WDR90: variants seen among roughly 807,000 people sequenced by gnomAD.
The protein encoded by WDR90 is WD repeat-containing protein 90.
In WDR90, 238 loss-of-function variants were observed where a neutral mutation model predicts 195.2. The ratio of observed to expected loss-of-function variants is 1.22; its 90% confidence interval spans 1.10 to 1.36. The LOEUF is 1.36. Among genes scored for constraint, WDR90 ranks in the 40% most tolerant of loss-of-function variants. The pLI is 0.00. For missense variants in WDR90, 2,734 were observed against 2,439.5 expected (o/e 1.12, Z -2.54); for synonymous variants, 1,265 against 1,052.4 (o/e 1.20, Z -3.91).
Position 653,579 on chromosome 16 carries a change from AG to A in WDR90, c.1291del (p.Ala431ProfsTer4). 6.2e-7 allele frequency: 1 copy of A among 1,611,452 alleles called. No individual in the cohort carries two copies. Among genetic ancestry groups the A allele is most frequent in the Non-Finnish European group, 8.5e-7 (1 of 1,178,210 alleles). On this transcript the variant is annotated frameshift_variant, in exon 12 of 41. Transcript: ENST00000293879. LOFTEE classifies it high-confidence loss of function. ...SSSLLASAQA[R>X]APSVMRLWDF... The stretch of plus-strand genomic sequence containing the variant: ...CTCACTATTGGCCTCGGCCCAGGCA[AG>A]GGCCCCTAGTGTGATGCGGCTCTGG...
In WDR90 at chr16:656,388, C is replaced by G; in HGVS notation, c.2053C>G (p.Leu685Val). ...CACCTCCTCGGGCCACCTGGGCTTC[C>G]TGGACACGCTGTCCCGGGTGTACCA... ...SATSSGHLGF[L>V]DTLSRVYHML... The change falls in exon 18 of 41, where the codon CTG becomes GTG. Residue 685 changes from leucine (L) to valine (V), a missense_variant. Transcript: ENST00000293879. 1 of 1,608,826 alleles carries G rather than the reference C, an allele frequency of 6.2e-7. No homozygotes were observed. Among genetic ancestry groups the G allele is most frequent in the Non-Finnish European group, 8.5e-7 (1 of 1,179,482 alleles).
chr16:655,761 C>T lies in WDR90; in HGVS notation c.1850-12C>T. 6.3e-7 allele frequency: 1 copy of T among 1,583,620 alleles called. No individual in the cohort carries two copies. The highest frequency in any genetic ancestry group is 8.6e-7 in the Non-Finnish European group (1 of 1,164,716). ...CAGGGACACCGAGGCACTGACGCCT[C>T]CCTGCCCCCAGGCCCCGGCATTGCC... On this transcript the variant is annotated splice_polypyrimidine_tract_variant and intron_variant, in intron 16 of 40. Transcript: ENST00000293879.
At chr16:665,600 G>A (rs764568112) in intron 34 of WDR90, 79 bp from the exon 35 acceptor site, 3 of 1,606,532 alleles carry the variant, frequency 1.9e-6, no homozygotes, top group Admixed American at 1.7e-5. Context: ...CCGGCCCTGG[G>A]GGCTGGAATA....
Position 666,310 on chromosome 16 carries a change from AG to A in WDR90, c.4703del (p.Gly1568AlafsTer17). The A allele has an allele frequency of 1.9e-6, 3 of 1,612,716 alleles. No individual in the cohort carries two copies. The highest frequency in any genetic ancestry group is 1.7e-6 in the Non-Finnish European group (2 of 1,179,982). On this transcript the variant is annotated frameshift_variant, in exon 37 of 41. Coordinates refer to ENST00000293879, the MANE Select transcript of WDR90 (RefSeq NM_145294.5). LOFTEE classifies it high-confidence loss of function. The stretch of plus-strand genomic sequence containing the variant: ...ACCTTCCGTGTGCTGAGTGACCACC[AG>A]GGCGCCCCAATCTCTACCATCTGTG... ...GTTFRVLSDH[Q>X]GAPISTICVT... is the part of the protein sequence containing the mutation.
intron 28 of WDR90, 51 bp downstream of exon 28, chr16:660,765 G>T: frequency 6.6e-7 from 1 of 1,513,042 alleles, no homozygotes; most frequent in Non-Finnish European, 8.9e-7. Flanking sequence ...GGCCGCGCGT[G>T]GTCCAGCCGT....
chr16:649,946 ACTT>A (rs756272231), intron 2 of WDR90, 42 bp from the exon 3 acceptor site: 75 of 1,607,242 alleles, frequency 4.7e-5, no homozygotes, highest in Admixed American at 8.4e-5. Context: ...CCCCCGCTGC[ACTT>A]CTTCTGGGTG....
chr16:662,301 C>T lies in WDR90; in HGVS notation c.4115C>T (p.Ser1372Leu), dbSNP rs765613781. The change falls in exon 33 of 41, where the codon TCG becomes TTG. Residue 1372 changes from serine to leucine, a missense_variant. By Grantham distance (145) the Ser-to-Leu change is moderately radical (BLOSUM62 -2). Coordinates refer to ENST00000293879, the MANE Select transcript of WDR90 (RefSeq NM_145294.5). ...CGCCTGTGGGCCGTGGGGGCTGTGT[C>T]GGAGCTGAGGTGCAAGGGCTCAGGC... Reference protein sequence around the residue: ...RLRLWAVGAVSELRCKGSGAS... With the variant: ...RLRLWAVGAVLELRCKGSGAS... 9.5e-6 allele frequency: 15 copies of T among 1,576,280 alleles called. No homozygotes were observed. Among genetic ancestry groups the T allele is most frequent in the African/African-American group, 5.4e-5 (4 of 74,290 alleles).
In WDR90 at chr16:663,988, C is replaced by A. The variant is rs368891641; in HGVS notation, c.4311+1144C>A. 2.9e-4 allele frequency among the ~76,000 whole-genome samples: 44 copies of A among 152,274 alleles called. 1 individual carries two copies. The highest frequency in any genetic ancestry group is 1.0e-3 in the African/African-American group (43 of 41,568). On this transcript the variant is annotated intron_variant, in intron 34 of 40. Transcript: ENST00000293879. ...GATGCTGAGTCCCATCATCCAGTTG[C>A]CCCTGGGTTGTTTCTTTAGAAACCT... is the stretch of plus-strand genomic sequence containing the variant.
chr16:663,945 C>G (rs1366129974), intron 34 of WDR90, among the ~76,000 whole-genome samples: 1 of 152,186 alleles, frequency 6.6e-6, no homozygotes, highest in African/African-American at 2.4e-5. Context: ...CTGGGCCCCA[C>G]GGGATTGATT....
Position 659,346 on chromosome 16 carries a change from G to A in WDR90, c.3154G>A (p.Val1052Ile), listed in dbSNP as rs1462987205. 15 of 1,593,996 alleles carry A rather than the reference G, an allele frequency of 9.4e-6. No homozygotes were observed. Among genetic ancestry groups the A allele is most frequent in the African/African-American group, 1.3e-5 (1 of 74,722 alleles). ...PCQASPPRLG[V>I]CARPPEGGDG... ...TCAGGCATCTCCACCACGGCTGGGC[G>A]TCTGTGCCAGGCCTCCCGAAGGTGG... The change falls in exon 26 of 41, where the codon GTC (valine) becomes ATC (isoleucine). Residue 1052 changes from valine to isoleucine, a missense_variant. Coordinates refer to ENST00000293879, the MANE Select transcript of WDR90 (RefSeq NM_145294.5).
chr16:651,253 C>T lies in WDR90; in HGVS notation c.723C>T (p.Ser241=). 1 of 1,613,108 alleles carries T rather than the reference C, an allele frequency of 6.2e-7. No individual in the cohort carries two copies. The highest frequency in any genetic ancestry group is 2.2e-5 in the East Asian group (1 of 44,864). ...CCAAGCCGATTGAGAAGAGCTGTTC[C>T]CCTCCTGAGGCAGGTGGGTCTGGGG... ...VPSKPIEKSC[S]PPEAVLLGPG... is the part of the protein sequence containing the mutation. Residue 241 remains serine (S), a synonymous_variant, in exon 7 of 41, where the codon TCC becomes TCT. Coordinates refer to ENST00000293879, the MANE Select transcript of WDR90 (RefSeq NM_145294.5).
Position 650,519 on chromosome 16 carries a change from C to T in WDR90, c.389-20C>T, listed in dbSNP as rs1453415827. 3 of 1,592,508 alleles carry T rather than the reference C, an allele frequency of 1.9e-6. No individual in the cohort carries two copies. The highest frequency in any genetic ancestry group is 2.6e-6 in the Non-Finnish European group (3 of 1,164,678). The stretch of plus-strand genomic sequence containing the variant: ...GGCTGTCAGGAGGGTGGGCGCTGAC[C>T]CTGAGTGCCCATCCTGCAGATCTGG... On this transcript the variant is annotated intron_variant, in intron 4 of 40. Coordinates refer to ENST00000293879, the MANE Select transcript of WDR90 (RefSeq NM_145294.5).
At chr16:660,012 A>C in intron 26 of WDR90, 46 bp from the exon 27 acceptor site, 3 of 1,396,086 alleles carry the variant, frequency 2.1e-6, no homozygotes, top group Non-Finnish European at 2.9e-6. Context: ...GTCTCTGAAG[A>C]GCTCAGGGCA....
chr16:667,235 C>G (rs1434380578), intron 40 of WDR90, among the ~76,000 whole-genome samples, 197 bp from the exon 41 acceptor site: 2 of 152,228 alleles, frequency 1.3e-5, no homozygotes, highest in African/African-American at 4.8e-5. Flanking sequence ...AGGGAACTGG[C>G]CCAGCTGCAG....
chr16:649,267 C>G, upstream of WDR90: 1 of 928,024 alleles, frequency 1.1e-6, no homozygotes, highest in Non-Finnish European at 1.4e-6. Context: ...GGTACTCCCA[C>G]CGGGGAGGTC....
rs757617659 is a variant in WDR90 at position 655,964 on chromosome 16, C to CG, written c.1966+79dup. ...GCTGGGGCGGGGAAGGCCCAGTCCC[C>CG]GGGGCTCTGCTGTCAGCCGCCCTGG... On this transcript the variant is annotated intron_variant, in intron 17 of 40. Transcript: ENST00000293879. The CG allele has an allele frequency of 8.1e-6, 12 of 1,475,886 alleles. No homozygotes were observed. In the East Asian group the frequency reaches 2.5e-4, roughly 30 times the overall value. The allele number at this position is 1,475,886 out of a possible 1,614,324, so 91.4% of individuals were successfully genotyped here. A position where few individuals can be genotyped will look rare whatever the true frequency, so the allele number is the denominator to read the frequency against.
At chr16:649,916 C>T (rs1206337321) in intron 2 of WDR90, 62 bp downstream of exon 2, 14 of 1,597,208 alleles carry the variant, frequency 8.8e-6, no homozygotes, top group Non-Finnish European at 1.2e-5. Flanking sequence ...AGAGCTGCCC[C>T]GCCCCCGAGG....
chr16:652,065 G>A (rs1279659195), intron 9 of WDR90, 26 bp downstream of exon 9: 1 of 1,562,756 alleles, frequency 6.4e-7, no homozygotes, highest in African/African-American at 1.4e-5. Context: ...ACAGCAGGCG[G>A]GGCCTGGTGA....
At chr16:652,308 C>A in intron 9 of WDR90, 159 bp from the exon 10 acceptor site, 1 of 924,350 alleles carries the variant, frequency 1.1e-6, no homozygotes, top group Non-Finnish European at 1.6e-6. Context: ...ACTGGAGTCC[C>A]AGCTTCCACC....
Sources: allele counts gnomAD v4.1 joint callset (sites outside exome capture counted in the v4.1 genomes callset), GRCh38; gene constraint gnomAD v4.1.1; transcripts MANE v1.5; gene names NCBI Gene and HGNC (gene_info 2026-07-23, HGNC 2026-07-21).